The following UBL3 variants were observed in gnomAD, a reference collection of about 807,000 sequenced individuals.
The protein encoded by UBL3 is ubiquitin-like protein 3.
Under a neutral mutation model 18.4 loss-of-function variants are expected in UBL3, and 6 were observed. The observed-to-expected ratio is 0.33, with a 90% CI of 0.18 to 0.64. The LOEUF is 0.64. Ranked by LOEUF, UBL3 falls within the 30% of genes least tolerant of loss-of-function variation. UBL3 has a pLI of 0.76. For synonymous variants in UBL3, 49 were observed against 46.6 expected (o/e 1.05, Z -0.21); for missense variants, 109 against 142.9 (o/e 0.76, Z 1.21).
At chr13:29,775,521 C>T (rs757632526) in intron 2 of UBL3, among the ~76,000 whole-genome samples, 1 of 151,962 alleles carries the variant, frequency 6.6e-6, no homozygotes. Context: ...GTGAAATCAG[C>T]TGAAAAAAAT....
At chr13:29,833,180 T>C (rs552697359) in intron 1 of UBL3, among the ~76,000 whole-genome samples, 9 of 152,164 alleles carry the variant, frequency 5.9e-5, no homozygotes, top group Non-Finnish European at 8.8e-5. Context: ...TAGTAGGTAG[T>C]ACAGTCAGAC....
At chr13:29,820,321 C>T (rs1878398300) in intron 1 of UBL3, among the ~76,000 whole-genome samples, 1 of 152,086 alleles carries the variant, frequency 6.6e-6, no homozygotes, top group African/African-American at 2.4e-5. Flanking sequence ...GGACAACAGG[C>T]ATGTGCCATC....
chr13:29,812,534 G>C lies in UBL3; in HGVS notation c.28-35271C>G, dbSNP rs192809441. Reference sequence around the variant, plus strand: ...CAGGTGATTCTGATGTGTACTCCTAGGTAAGATTTTTCTAACTCTAGATAC... The same window carrying C: ...CAGGTGATTCTGATGTGTACTCCTACGTAAGATTTTTCTAACTCTAGATAC... On this transcript the variant is annotated intron_variant, in intron 1 of 4. Transcript: ENST00000380680. 5.9e-4 allele frequency among the ~76,000 whole-genome samples: 90 copies of C among 151,984 alleles called. No individual in the cohort carries two copies. In the East Asian group the frequency reaches 0.014, roughly 23 times the overall value.
At chr13:29,778,342 T>C (rs760400805) in intron 1 of UBL3, among the ~76,000 whole-genome samples, 8 of 152,232 alleles carry the variant, frequency 5.3e-5, no homozygotes, top group Non-Finnish European at 8.8e-5. Context: ...TCTGTTGTAA[T>C]TAATTTAATA....
chr13:29,813,731 T>C (rs1479295786), intron 1 of UBL3, among the ~76,000 whole-genome samples: 2 of 152,072 alleles, frequency 1.3e-5, no homozygotes, highest in East Asian at 1.9e-4. Flanking sequence ...GATTTTGGCA[T>C]TGGGTGATGG....
At chr13:29,831,593 G>GAAAAAAAAA (rs375371538) in intron 1 of UBL3, among the ~76,000 whole-genome samples, 2 of 61,430 alleles carry the variant, frequency 3.3e-5, no homozygotes, top group Non-Finnish European at 7.0e-5. Context: ...CGTCTCAAAA[G>GAAAAAAAAA]AAAAAAAAAA....
intron 3 of UBL3, 32 bp downstream of exon 3, chr13:29,772,080 A>G (rs1486136474): frequency 1.3e-6 from 2 of 1,549,008 alleles, no homozygotes; most frequent in Non-Finnish European, 8.9e-7. Context: ...CATGAGACAG[A>G]CATTAAATCC....
At chr13:29,781,421 A>C (rs1339659686) in intron 1 of UBL3, among the ~76,000 whole-genome samples, 1 of 152,318 alleles carries the variant, frequency 6.6e-6, no homozygotes, top group African/African-American at 2.4e-5. Flanking sequence ...GTAACATTTA[A>C]TTCAAAGAGT....
intron 1 of UBL3, among the ~76,000 whole-genome samples, chr13:29,819,394 TAAAG>T (rs1878367767): frequency 6.6e-6 from 1 of 152,158 alleles, no homozygotes; most frequent in Admixed American, 6.5e-5. Context: ...AATCCTGGGA[TAAAG>T]AAAGATGCTC....
intron 1 of UBL3, among the ~76,000 whole-genome samples, chr13:29,781,721 C>T (rs1036659858): frequency 7.3e-5 from 11 of 150,904 alleles, no homozygotes; most frequent in East Asian, 2.0e-4. Context: ...CAGTAGCTCA[C>T]GGCTGTAATC....
rs1191105774 is a variant in UBL3, at chr13:29,811,449, G to A, written c.28-34186C>T. ...GTAAACTCCACTGCAACTAGTACTA[G>A]CCATGTGACCTAGTTCTGGACAAAG... On this transcript the variant is annotated intron_variant, in intron 1 of 4. Transcript: ENST00000380680. 5.9e-5 allele frequency among the ~76,000 whole-genome samples: 9 copies of A among 152,158 alleles called. No individual in the cohort carries two copies. The East Asian group carries it at 1.7e-3, about 29-fold the overall frequency.
intron 2 of UBL3, among the ~76,000 whole-genome samples, chr13:29,774,105 G>GA (rs1350589059): frequency 6.6e-6 from 1 of 151,992 alleles, no homozygotes; most frequent in African/African-American, 2.4e-5. Context: ...GCAACCTGAG[G>GA]AAATACTGGG....
intron 1 of UBL3, among the ~76,000 whole-genome samples, chr13:29,786,125 G>A (rs1877307609): frequency 6.6e-6 from 1 of 152,124 alleles, no homozygotes; most frequent in South Asian, 2.1e-4. Flanking sequence ...AAGCAGATAA[G>A]CTGTGATTTG....
At position 29,811,890 on chromosome 13, in the gene UBL3, T is replaced by C. The variant is rs182736061; in HGVS notation, c.28-34627A>G. On this transcript the variant is annotated intron_variant, in intron 1 of 4. Transcript: ENST00000380680. ...TGCAGCTAAAAGCATTCCTAACTGA[T>C]ACACTCTCTATCTTCTCTCAAATAT... 1.5e-3 allele frequency among the ~76,000 whole-genome samples: 229 copies of C among 152,216 alleles called. 4 individuals carry two copies. The highest frequency in any genetic ancestry group is 0.014 in the Middle Eastern group (4 of 294).
chr13:29,772,372 A>G (rs550328379), intron 2 of UBL3, among the ~76,000 whole-genome samples, 174 bp from the exon 3 acceptor site: 1 of 152,220 alleles, frequency 6.6e-6, no homozygotes, highest in East Asian at 1.9e-4. Context: ...CTTGGTTATT[A>G]CTTATTCTTT....
At chr13:29,806,965 A>G (rs1410667722) in intron 1 of UBL3, among the ~76,000 whole-genome samples, 4 of 152,292 alleles carry the variant, frequency 2.6e-5, no homozygotes, top group Admixed American at 2.0e-4. Flanking sequence ...AATATATACC[A>G]TATTTTATCA....
chr13:29,836,476 G>A (rs895913265), intron 1 of UBL3, among the ~76,000 whole-genome samples: 2 of 152,068 alleles, frequency 1.3e-5, no homozygotes, highest in Admixed American at 1.3e-4. Flanking sequence ...AACTATAAAA[G>A]TGATATAAAA....
intron 1 of UBL3, among the ~76,000 whole-genome samples, chr13:29,848,150 T>G (rs750613888): frequency 2.6e-5 from 4 of 152,076 alleles, no homozygotes; most frequent in Non-Finnish European, 4.4e-5. Flanking sequence ...TTTTAAAATT[T>G]AATCATCAGC....
At chr13:29,786,962 T>C (rs1877337395) in intron 1 of UBL3, among the ~76,000 whole-genome samples, 1 of 152,206 alleles carries the variant, frequency 6.6e-6, no homozygotes, top group South Asian at 2.1e-4. Context: ...GAATGTGAAC[T>C]TGCAGAATAT....
Sources: allele counts gnomAD v4.1 joint callset (sites outside exome capture counted in the v4.1 genomes callset), GRCh38; gene constraint gnomAD v4.1.1; transcripts MANE v1.5; gene names NCBI Gene and HGNC (gene_info 2026-07-23, HGNC 2026-07-21).